Variants in UBTF observed in about 807,000 individuals in gnomAD.
The protein encoded by UBTF is nucleolar transcription factor 1.
In UBTF, 8 loss-of-function variants were observed where a neutral mutation model predicts 112.3. The ratio of observed to expected loss-of-function variants is 0.07; its 90% CI spans 0.04 to 0.13. The LOEUF is 0.13. UBTF is among the 10% of genes least tolerant of loss of function. The probability of loss-of-function intolerance (pLI) is 1.00; values close to 1 mark genes in which losing one functional copy is unlikely to be tolerated. For synonymous variants in UBTF, 417 were observed against 373.1 expected (o/e 1.12, Z -1.36); for missense variants, 457 against 982.1 (o/e 0.47, Z 7.15).
rs1156945506 is a variant in UBTF, at chr17:44,205,612, AGGGACC to A, written c.*1624_*1629del. ...GAGACTGTCTGCCTTCCTTTGGGAGAGGGACCCACCAGCCTCTCTGGGACCAGGGCC... is the reference window on the plus strand; with the variant it reads ...GAGACTGTCTGCCTTCCTTTGGGAGACACCAGCCTCTCTGGGACCAGGGCC... On this transcript the variant is annotated 3_prime_UTR_variant, in exon 21 of 21. Coordinates refer to ENST00000436088, the MANE Select transcript of UBTF (RefSeq NM_014233.4). The A allele has an allele frequency of 6.6e-6, 1 of 151,824 alleles. No homozygotes were observed. Among genetic ancestry groups the A allele is most frequent in the Non-Finnish European group, 1.5e-5 (1 of 67,990 alleles). 9.4% of individuals were successfully genotyped at this position (151,824 alleles called of 1,614,324 possible). A position where few individuals can be genotyped will look rare whatever the true frequency, so the allele number is the denominator to read the frequency against.
At chr17:44,214,689 C>G (rs1311200396) in intron 5 of UBTF, among the ~76,000 whole-genome samples, 1 of 152,202 alleles carries the variant, frequency 6.6e-6, no homozygotes, top group East Asian at 1.9e-4. Flanking sequence ...TGTGAGTCTG[C>G]AGCCAGGGTA....
chr17:44,218,375 A>C, intron 1 of UBTF, 79 bp from the exon 2 acceptor site: 1 of 784,842 alleles, frequency 1.3e-6, no homozygotes, highest in Non-Finnish European at 2.1e-6. Context: ...CCAGAGTAGA[A>C]GGGGGCAGGT....
chr17:44,207,934 G>A, intron 17 of UBTF, 23 bp from the exon 18 acceptor site: 1 of 1,613,624 alleles, frequency 6.2e-7, no homozygotes. Context: ...GAAGCGGCAA[G>A]GGTTGGAACA....
intron 5 of UBTF, 48 bp from the exon 6 acceptor site, chr17:44,213,330 C>A: frequency 1.9e-6 from 3 of 1,589,748 alleles, no homozygotes; most frequent in South Asian, 1.1e-5. Flanking sequence ...GGGTATCTCA[C>A]CCTGAGCTAT....
Position 44,205,720 on chromosome 17 carries a change from A to C in UBTF, c.*1522T>G, listed in dbSNP as rs938742524. On this transcript the variant is annotated 3_prime_UTR_variant, in exon 21 of 21. Coordinates refer to ENST00000436088, the MANE Select transcript of UBTF (RefSeq NM_014233.4). ...TCCTTGGCTTTCATTCAGAGGGGGA[A>C]GGTGGAAAAGCACCAAGCCCCAATT... 1 of 152,248 alleles carries C rather than the reference A, an allele frequency of 6.6e-6. No individual in the cohort carries two copies. Among genetic ancestry groups the C allele is most frequent in the Admixed American group, 6.5e-5 (1 of 15,274 alleles). 9.4% of individuals were successfully genotyped at this position (152,248 alleles called of 1,614,324 possible).
In UBTF at chr17:44,206,167, C is replaced by T. The variant is rs1476959325; in HGVS notation, c.*1075G>A. The T allele has an allele frequency of 6.6e-6, 1 of 152,132 alleles. No homozygotes were observed. The highest frequency in any genetic ancestry group is 1.5e-5 in the Non-Finnish European group (1 of 68,028). 9.4% of individuals were successfully genotyped at this position (152,132 alleles called of 1,614,324 possible). A position where few individuals can be genotyped will look rare whatever the true frequency, so the allele number is the denominator to read the frequency against. On this transcript the variant is annotated 3_prime_UTR_variant, in exon 21 of 21. Coordinates refer to ENST00000436088, the MANE Select transcript of UBTF (RefSeq NM_014233.4). ...ACCATCTTGCCTGCCTTTCCGCCTT[C>T]CTGCTGGACAATGGAGACCAGCAGC...
At chr17:44,210,518 G>A (rs1567794260) in intron 13 of UBTF, 45 bp from the exon 14 acceptor site, 2 of 1,518,574 alleles carry the variant, frequency 1.3e-6, no homozygotes, top group African/African-American at 1.4e-5. Flanking sequence ...ACCCCCAGGG[G>A]GCGCGCGCTC....
At chr17:44,215,540 A>T in intron 5 of UBTF, 114 bp downstream of exon 5, 1 of 1,348,486 alleles carries the variant, frequency 7.4e-7, no homozygotes, top group Non-Finnish European at 1.0e-6. Context: ...TGCTGTGCTG[A>T]CTCACCCTCA....
chr17:44,215,490 G>T, intron 5 of UBTF, 164 bp downstream of exon 5: 1 of 830,608 alleles, frequency 1.2e-6, no homozygotes. Flanking sequence ...TGTGTGGGCC[G>T]AGGAAGGGGC....
At chr17:44,216,302 C>G (rs1159171323) in intron 3 of UBTF, 61 of 618,630 alleles carry the variant, frequency 9.9e-5, no homozygotes, top group Non-Finnish European at 1.3e-4. Context: ...CTCAGCACAG[C>G]TCAGGCTGTT....
chr17:44,209,865 G>T, intron 15 of UBTF, 132 bp from the exon 16 acceptor site: 1 of 984,622 alleles, frequency 1.0e-6, no homozygotes, highest in Non-Finnish European at 1.5e-6. Flanking sequence ...GGTAGCTAGT[G>T]AGCAACTTCC....
chr17:44,210,762 G>T, intron 13 of UBTF, 30 bp downstream of exon 13: 1 of 1,552,996 alleles, frequency 6.4e-7, no homozygotes, highest in South Asian at 1.2e-5. Context: ...AGCCCCCCTG[G>T]GGGCACAGCG....
Position 44,210,363 on chromosome 17 carries a change from C to T in UBTF, c.1470G>A (p.Glu490=), listed in dbSNP as rs754671675. ...CGCCGATAACGCTCTGTTGCCAGAT[C>T]TCCTCAGCTCTTTTGGGGGACTCGG... The part of the protein sequence containing the change: ...KLPESPKRAE[E]IWQQSVIGDY... Residue 490 remains glutamate, a synonymous_variant, in exon 14 of 21, where the codon GAG becomes GAA. Transcript: ENST00000436088. 5 of 1,614,114 alleles carry T rather than the reference C, an allele frequency of 3.1e-6. No individual in the cohort carries two copies. Among genetic ancestry groups the T allele is most frequent in the African/African-American group, 1.3e-5 (1 of 74,944 alleles).
chr17:44,213,206 C>T lies in UBTF; in HGVS notation c.539+12G>A, dbSNP rs747855384. ...GTGCCCCGTGGCCCTCCTCTGGGCT[C>T]CACTGCCTTACCTGAATCGGGCCAG... On this transcript the variant is annotated intron_variant, in intron 6 of 20. Transcript: ENST00000436088. The T allele has an allele frequency of 1.2e-6, 2 of 1,612,844 alleles. No homozygotes were observed.
At chr17:44,217,420 C>G (rs970512026) in intron 2 of UBTF, among the ~76,000 whole-genome samples, 1 of 152,198 alleles carries the variant, frequency 6.6e-6, no homozygotes, top group African/African-American at 2.4e-5. Flanking sequence ...AGCCCAACTA[C>G]CCAGGGAAGC....
In UBTF at chr17:44,207,872, T is replaced by C; in HGVS notation, c.1945A>G (p.Ile649Val). The change falls in exon 18 of 21, where the codon ATC becomes GTC. Residue 649 changes from isoleucine (I) to valine (V), a missense_variant. Ile to Val is a conservative substitution (Grantham distance 29, BLOSUM62 3). Coordinates refer to ENST00000436088, the MANE Select transcript of UBTF (RefSeq NM_014233.4). The part of the protein sequence containing the change: ...PQDRAAYKEY[I>V]SNKRKSMTKL... ...TCTGCTCCCAGACTCACATTGGAGA[T>C]GTACTCTTTATATGCTGCACGGTCC... is the stretch of plus-strand genomic sequence containing the variant. 1 of 1,613,986 alleles carries C rather than the reference T, an allele frequency of 6.2e-7. No individual in the cohort carries two copies. The highest frequency in any genetic ancestry group is 8.5e-7 in the Non-Finnish European group (1 of 1,180,006).
At chr17:44,208,332 G>A (rs1215453811) in intron 17 of UBTF, among the ~76,000 whole-genome samples, 2 of 151,992 alleles carry the variant, frequency 1.3e-5, no homozygotes, top group Non-Finnish European at 2.9e-5. Context: ...TTGAACTCCT[G>A]GCCTCAAGTG....
chr17:44,216,154 G>A (rs1275301921), intron 3 of UBTF, 165 bp from the exon 4 acceptor site: 10 of 659,670 alleles, frequency 1.5e-5, no homozygotes, highest in Admixed American at 2.6e-5. Flanking sequence ...TGACACCCAG[G>A]CACTGGCCCA....
At position 44,212,086 on chromosome 17, in the gene UBTF, A is replaced by G. The variant is rs553669337; in HGVS notation, c.772-80T>C. 4.3e-5 allele frequency: 62 copies of G among 1,430,604 alleles called. No individual in the cohort carries two copies. The East Asian group carries it at 1.5e-3, about 35-fold the overall frequency. The allele number at this position is 1,430,604 out of a possible 1,614,324, so 88.6% of individuals were successfully genotyped here. A position where few individuals can be genotyped will look rare whatever the true frequency, so the allele number is the denominator to read the frequency against. ...AGGGGCAGGGGGAGAGCCGCTGGGG[A>G]GGGCAGGCAGGGAGCAAAGCTGGGG... On this transcript the variant is annotated intron_variant, in intron 8 of 20. Transcript: ENST00000436088.
Sources: allele counts gnomAD v4.1 joint callset (sites outside exome capture counted in the v4.1 genomes callset), GRCh38; gene constraint gnomAD v4.1.1; transcripts MANE v1.5; gene names NCBI Gene and HGNC (gene_info 2026-07-23, HGNC 2026-07-21).